ZFP36L1: variants seen among roughly 807,000 people sequenced by gnomAD.
The protein encoded by ZFP36L1 is mRNA decay activator protein ZFP36L1.
ZFP36L1 carries 4 observed loss-of-function variants against 16.7 expected under a neutral mutation model. The observed-to-expected ratio is 0.24, with a 90% CI of 0.12 to 0.55. The LOEUF (loss-of-function observed/expected upper bound fraction) is 0.55, where lower values mean the gene tolerates loss of function less well. Among genes scored for constraint, ZFP36L1 ranks in the 20% least tolerant of loss-of-function variants. The pLI, the probability that ZFP36L1 is intolerant of heterozygous loss-of-function variation, is 0.94. For synonymous variants in ZFP36L1, 220 were observed against 190.8 expected, an observed-to-expected ratio of 1.15 and a Z score of -1.26; for missense variants, 311 against 449.2, an observed-to-expected ratio of 0.69 and a Z score of 2.78.
chr14:68,792,816 T>C, intron 1 of ZFP36L1, 66 bp downstream of exon 1: 2 of 1,606,752 alleles, frequency 1.2e-6, no homozygotes, highest in Non-Finnish European at 1.7e-6. Flanking sequence ...CCCAAACTTT[T>C]GGGGGTTCTT....
upstream of ZFP36L1, chr14:68,795,793 G>A (rs1280877403): frequency 1.9e-6 from 1 of 535,154 alleles, no homozygotes; most frequent in African/African-American, 1.9e-5. Flanking sequence ...GGGTTGAAAC[G>A]TCATTTCGGG....
chr14:68,790,307 C>G lies in ZFP36L1; in HGVS notation c.243G>C (p.Ser81=), dbSNP rs916241238. ...LKGEPAPALS[S]RDSRFRDRSF... ...AGCGGTCTCGGAAGCGGCTGTCTCG[C>G]GAGCTCAGAGCGGGGGCTGGCTCAC... Residue 81 remains serine (S), a synonymous_variant, in exon 2 of 2, where the codon TCG becomes TCC. Coordinates refer to ENST00000439696, the MANE Select transcript of ZFP36L1 (RefSeq NM_004926.4). The G allele has an allele frequency of 6.2e-7, 1 of 1,609,808 alleles. No individual in the cohort carries two copies. Among genetic ancestry groups the G allele is most frequent in the Non-Finnish European group, 8.5e-7 (1 of 1,179,020 alleles).
Position 68,789,323 on chromosome 14 carries a change from G to A in ZFP36L1, c.*210C>T, listed in dbSNP as rs995591331. ...CCAGGGAGGGGGTTTCAAGCCAGAA[G>A]AAGCTACTGACAAATTGACTTGTCC... On this transcript the variant is annotated 3_prime_UTR_variant, in exon 2 of 2. Coordinates refer to ENST00000439696, the MANE Select transcript of ZFP36L1 (RefSeq NM_004926.4). This position sits in a 1 kb window ranked among gnomAD's most constrained non-coding sequence, Gnocchi z 4.5. 9.4e-6 allele frequency: 6 copies of A among 641,180 alleles called. No individual in the cohort carries two copies. The South Asian group carries it at 1.3e-4, about 13-fold the overall frequency. 39.7% of individuals were successfully genotyped at this position (641,180 alleles called of 1,614,324 possible).
intron 1 of ZFP36L1, chr14:68,791,098 TG>T: frequency 1.4e-6 from 1 of 699,514 alleles, no homozygotes; most frequent in Non-Finnish European, 2.6e-6. Context: ...GGTCTGAGGT[TG>T]GGGGAGACAG....
chr14:68,796,019 G>A (rs1220017916), upstream of ZFP36L1: 1 of 1,324,472 alleles, frequency 7.6e-7, no homozygotes, highest in Non-Finnish European at 1.0e-6. Flanking sequence ...ACTTCGCGGT[G>A]CATTCCGCCC....
At chr14:68,796,142 C>T, upstream of ZFP36L1, 2 of 1,366,338 alleles carry the variant, frequency 1.5e-6, no homozygotes, top group South Asian at 1.1e-5. Flanking sequence ...CTTCCGGGCC[C>T]TCCCCATTCG....
chr14:68,794,915 G>A (rs1594719868), upstream of ZFP36L1, among the ~76,000 whole-genome samples: 1 of 152,250 alleles, frequency 6.6e-6, no homozygotes, highest in East Asian at 1.9e-4. Flanking sequence ...TGTCTCCTCT[G>A]CCCGAAATGG....
chr14:68,789,517 C>T lies in ZFP36L1; in HGVS notation c.*16G>A, dbSNP rs749310860. 8 of 1,612,400 alleles carry T rather than the reference C, an allele frequency of 5.0e-6. No homozygotes were observed. Among genetic ancestry groups the T allele is most frequent in the Non-Finnish European group, 6.8e-6 (8 of 1,179,946 alleles). The stretch of plus-strand genomic sequence containing the variant: ...GTAGGGGCTGGAGTAGGCAGGAGGT[C>T]CCTCCCTACCCTGGCTTAGTCATCT... On this transcript the variant is annotated 3_prime_UTR_variant, in exon 2 of 2. Coordinates refer to ENST00000439696, the MANE Select transcript of ZFP36L1 (RefSeq NM_004926.4). This position sits in a 1 kb window ranked among gnomAD's most constrained non-coding sequence, Gnocchi z 4.5.
chr14:68,793,005 C>T lies in ZFP36L1; in HGVS notation c.-67G>A. 2 of 1,609,006 alleles carry T rather than the reference C, an allele frequency of 1.2e-6. No homozygotes were observed. Among genetic ancestry groups the T allele is most frequent in the Non-Finnish European group, 1.7e-6 (2 of 1,179,152 alleles). The stretch of plus-strand genomic sequence containing the variant: ...CGCGAAGGTCCCGGTGCGGGGAAGG[C>T]GCAGCCTCTCCTGTCTGGAGTCCCA... On this transcript the variant is annotated 5_prime_UTR_variant, in exon 1 of 2. Transcript: ENST00000439696.
chr14:68,792,827 T>C, intron 1 of ZFP36L1, 55 bp downstream of exon 1: 2 of 1,612,330 alleles, frequency 1.2e-6, no homozygotes, highest in Non-Finnish European at 8.5e-7. Context: ...GGGGGTTCTT[T>C]CTTAAGGCAA....
Position 68,790,475 on chromosome 14 carries a change from G to A in ZFP36L1, c.75C>T (p.Asn25=). The A allele has an allele frequency of 6.2e-7, 1 of 1,614,096 alleles. No homozygotes were observed. Residue 25 remains asparagine (N), a synonymous_variant, in exon 2 of 2, where the codon AAC becomes AAT. Coordinates refer to ENST00000439696, the MANE Select transcript of ZFP36L1 (RefSeq NM_004926.4). Reference sequence around the variant, plus strand: ...AACCCCCTGCACTGGGAGCACTATAGTTGAGCATCTTGTTACCCTGGAGAG... The same window carrying A: ...AACCCCCTGCACTGGGAGCACTATAATTGAGCATCTTGTTACCCTGGAGAG... The part of the protein sequence containing the change: ...EVLCKGNKML[N]YSAPSAGGCL...
At position 68,789,985 on chromosome 14, in the gene ZFP36L1, G is replaced by A; in HGVS notation, c.565C>T (p.Arg189Trp). 1.9e-6 allele frequency: 3 copies of A among 1,606,046 alleles called. No homozygotes were observed. Among genetic ancestry groups the A allele is most frequent in the Middle Eastern group, 1.7e-4 (1 of 6,030 alleles). The change falls in exon 2 of 2, where the codon CGG becomes TGG. Residue 189 changes from arginine to tryptophan, a missense_variant. Transcript: ENST00000439696. The surrounding 1 kb of genome is among the most constrained non-coding windows in gnomAD (Gnocchi z 4.5). Reference protein sequence around the residue: ...AEERRALAGARDLSADRPRLQ... With the variant: ...AEERRALAGAWDLSADRPRLQ... ...CGGGGACGGTCAGCGGAGAGGTCCC[G>A]GGCCCCGGCCAGGGCACGGCGCTCT...
Position 68,788,524 on chromosome 14 carries a change from C to T in ZFP36L1, c.*1009G>A, listed in dbSNP as rs2140207865. ...TCTAGAGCAAAAACCATTAAAGCTA[C>T]TTCTACAGGAAATCGTTTTACACAG... On this transcript the variant is annotated 3_prime_UTR_variant, in exon 2 of 2. Coordinates refer to ENST00000439696, the MANE Select transcript of ZFP36L1 (RefSeq NM_004926.4). The T allele has an allele frequency of 6.6e-6, 1 of 152,594 alleles. No individual in the cohort carries two copies. The highest frequency in any genetic ancestry group is 2.4e-5 in the African/African-American group (1 of 41,458). 9.5% of individuals were successfully genotyped at this position (152,594 alleles called of 1,614,324 possible).
intron 1 of ZFP36L1, 32 bp downstream of exon 1, chr14:68,792,848 CTT>C (rs752367834): frequency 1.2e-6 from 2 of 1,613,726 alleles, no homozygotes; most frequent in East Asian, 4.5e-5. Context: ...AAGAAAAAGA[CTT>C]TTTGAAAAGC....
In ZFP36L1 at chr14:68,789,661, C is replaced by A; in HGVS notation, c.889G>T (p.Asp297Tyr). 2.5e-6 allele frequency: 4 copies of A among 1,613,878 alleles called. No individual in the cohort carries two copies. The highest frequency in any genetic ancestry group is 3.4e-6 in the Non-Finnish European group (4 of 1,179,868). The change falls in exon 2 of 2, where the codon GAT (aspartate) becomes TAT (tyrosine). Residue 297 changes from aspartate to tyrosine, a missense_variant. Physicochemically the swap from Asp to Tyr is radical, Grantham distance 160 (BLOSUM62 -3). Around this residue, in one of 4 missense-constraint regions of ZFP36L1, gnomAD observed 147 missense variants for 192.0 expected, o/e 0.77. Transcript: ENST00000439696. This position sits in a 1 kb window ranked among gnomAD's most constrained non-coding sequence, Gnocchi z 4.5. Reference sequence around the variant, plus strand: ...TAGCCCTCCTGGTCCGAGAGAGAATCCTGAGGGCTGGGGGGAGAGTCAAAC... The same window carrying A: ...TAGCCCTCCTGGTCCGAGAGAGAATACTGAGGGCTGGGGGGAGAGTCAAAC... ...HMFDSPPSPQ[D>Y]SLSDQEGYLS...
rs779473122 is a variant in ZFP36L1 at position 68,790,193 on chromosome 14, C to T, written c.357G>A (p.Leu119=). The change falls in exon 2 of 2, where the codon CTG becomes CTA. Residue 119 remains leucine (L), a synonymous_variant. Coordinates refer to ENST00000439696, the MANE Select transcript of ZFP36L1 (RefSeq NM_004926.4). ...QVNSSRYKTE[L]CRPFEENGAC... ...CACCGTTTTCCTCAAAGGGGCGGCA[C>T]AGCTCCGTCTTGTAGCGGCTGGAGT... 17 of 1,613,396 alleles carry T rather than the reference C, an allele frequency of 1.1e-5. No individual in the cohort carries two copies. The East Asian group carries it at 1.8e-4, about 17-fold the overall frequency.
upstream of ZFP36L1, chr14:68,793,763 T>A: frequency 2.0e-6 from 2 of 985,456 alleles, no homozygotes; most frequent in Non-Finnish European, 2.4e-6. Flanking sequence ...TGTTGCTGTT[T>A]TTTTTCCAGC....
upstream of ZFP36L1, chr14:68,796,116 T>C: frequency 7.3e-7 from 1 of 1,364,736 alleles, no homozygotes. Flanking sequence ...GGCCGGCTCC[T>C]CTGTCCCAGG....
At chr14:68,796,225 T>C, upstream of ZFP36L1, 1 of 1,366,732 alleles carries the variant, frequency 7.3e-7, no homozygotes, top group South Asian at 1.1e-5. Flanking sequence ...GGGTGGGATG[T>C]TCGGTTTTGT....
Sources: gnomAD v4.1 joint callset for allele counts (sites outside exome capture counted in the v4.1 genomes callset) on GRCh38, gnomAD v4.1.1 for gene constraint, gnomAD v4.1.1 regional missense constraint, Gnocchi (gnomAD v3.1) non-coding constraint, MANE v1.5 for transcripts, NCBI Gene and HGNC (gene_info 2026-07-23, HGNC 2026-07-21) for gene names.